Variants in ATXN7L1 observed in about 807,000 individuals in gnomAD.
ATXN7L1 encodes ataxin 7 like 1, also known as ataxin-7-like protein 1.
A neutral mutation model predicts 70.8 loss-of-function variants in ATXN7L1; 15 were observed. That is an observed-to-expected ratio of 0.21 (90% CI 0.14 to 0.33). The LOEUF (loss-of-function observed/expected upper bound fraction) is 0.33. Among genes scored for constraint, ATXN7L1 ranks in the 10% least tolerant of loss-of-function variants. ATXN7L1 has a pLI of 1.00. For missense variants in ATXN7L1, 975 were observed against 1,097.1 expected, an observed-to-expected ratio of 0.89 and a Z score of 1.57; for synonymous variants, 440 against 445.1, an observed-to-expected ratio of 0.99 and a Z score of 0.14.
At position 105,638,378 on chromosome 7, in the gene ATXN7L1, T is replaced by C; in HGVS notation, c.1177A>G (p.Arg393Gly). The C allele has an allele frequency of 6.4e-7, 1 of 1,552,030 alleles. No individual in the cohort carries two copies. ...EPKVASPAKSRPPNSVLPRPS... is the reference protein window; with the variant it reads ...EPKVASPAKSGPPNSVLPRPS... ...CTAGGAAGTACAGAGTTGGGTGGTC[T>C]GGATTTTGCAGGGGATGCAACTTTT... The change falls in exon 7 of 12, where the codon AGA (arginine) becomes GGA (glycine). Residue 393 changes from arginine (R) to glycine (G), a missense_variant. Physicochemically the swap from Arg to Gly is moderately radical, Grantham distance 125. Around this residue, in one of 5 missense-constraint regions of ATXN7L1, gnomAD observed 635 missense variants for 699.4 expected, o/e 0.91. Coordinates refer to ENST00000419735, the MANE Select transcript of ATXN7L1 (RefSeq NM_020725.2).
intron 3 of ATXN7L1, among the ~76,000 whole-genome samples, chr7:105,702,312 G>C (rs1792554894): frequency 6.6e-6 from 1 of 152,164 alleles, no homozygotes; most frequent in South Asian, 2.1e-4. Flanking sequence ...GTACAGACGG[G>C]ATCCAAACCT....
At chr7:105,642,783 T>C in intron 5 of ATXN7L1, 55 bp downstream of exon 5, 2 of 1,491,522 alleles carry the variant, frequency 1.3e-6, no homozygotes, top group East Asian at 4.9e-5. Flanking sequence ...TCGTTATGGC[T>C]GCGACTCCCT....
intron 3 of ATXN7L1, among the ~76,000 whole-genome samples, chr7:105,669,105 G>A (rs966276204): frequency 6.6e-6 from 1 of 152,000 alleles, no homozygotes; most frequent in Non-Finnish European, 1.5e-5. Flanking sequence ...TATTTTTTGA[G>A]ACAGTCTCGC....
intron 3 of ATXN7L1, among the ~76,000 whole-genome samples, chr7:105,695,179 C>T (rs1179157056): frequency 1.3e-5 from 2 of 151,824 alleles, no homozygotes; most frequent in African/African-American, 4.8e-5. Context: ...CCCAGCTACT[C>T]GGGAGGCTGA....
At chr7:105,611,389 T>C (rs1793138808) in intron 10 of ATXN7L1, among the ~76,000 whole-genome samples, 1 of 152,272 alleles carries the variant, frequency 6.6e-6, no homozygotes, top group Non-Finnish European at 1.5e-5. Flanking sequence ...TATTTATTTT[T>C]GAGACACAGT....
intron 3 of ATXN7L1, among the ~76,000 whole-genome samples, chr7:105,773,573 A>C (rs745477900): frequency 6.6e-6 from 1 of 152,144 alleles, no homozygotes; most frequent in Admixed American, 6.5e-5. Flanking sequence ...CTTCTGAAAA[A>C]GGAGTGGGAA....
At chr7:105,661,471 T>C (rs1801603637) in intron 4 of ATXN7L1, among the ~76,000 whole-genome samples, 1 of 152,164 alleles carries the variant, frequency 6.6e-6, no homozygotes, top group Non-Finnish European at 1.5e-5. Context: ...GAATTTTTGA[T>C]AGGACTGTGA....
chr7:105,761,594 A>G lies in ATXN7L1; in HGVS notation c.355+27010T>C, dbSNP rs573881380. ...CCTAAATTAAACACTGGTTGCTTAA[A>G]TGCGTCTTCATGATCTTGTTCTATC... On this transcript the variant is annotated intron_variant, in intron 3 of 11. Coordinates refer to ENST00000419735, the MANE Select transcript of ATXN7L1 (RefSeq NM_020725.2). The G allele has an allele frequency of 5.4e-6, 6 of 1,120,018 alleles. No homozygotes were observed. The South Asian group carries it at 9.3e-5, about 17-fold the overall frequency. The allele number at this position is 1,120,018 out of a possible 1,614,324, so 69.4% of individuals were successfully genotyped here.
At chr7:105,827,788 T>C (rs1811084670) in intron 2 of ATXN7L1, among the ~76,000 whole-genome samples, 1 of 152,198 alleles carries the variant, frequency 6.6e-6, no homozygotes, top group Admixed American at 6.5e-5. Context: ...TTAGTGGTTT[T>C]CCCAAATTGA....
chr7:105,842,326 T>C (rs1431772155), intron 2 of ATXN7L1, among the ~76,000 whole-genome samples: 2 of 152,124 alleles, frequency 1.3e-5, no homozygotes, highest in Non-Finnish European at 2.9e-5. Context: ...CTATCTAATA[T>C]GAGAATATTT....
At chr7:105,731,768 G>GAAAAGAGAAAAGAAAAGAAAAGAAAAGAA (rs1563046257) in intron 3 of ATXN7L1, among the ~76,000 whole-genome samples, 1 of 147,796 alleles carries the variant, frequency 6.8e-6, no homozygotes, top group African/African-American at 2.5e-5. Flanking sequence ...GAAAAGAAAA[G>GAAAAGAGAAAAGAAAAGAAAAGAAAAGAA]AAAAGAAAAG....
intron 7 of ATXN7L1, among the ~76,000 whole-genome samples, chr7:105,628,767 G>A (rs138885341): frequency 0.038 from 5,707 of 150,982 alleles, 289 homozygotes; most frequent in East Asian, 0.25. Flanking sequence ...TACTCCAGCC[G>A]GGGCCACAGA....
intron 2 of ATXN7L1, among the ~76,000 whole-genome samples, chr7:105,859,646 A>T (rs75525150): frequency 0.033 from 5,027 of 152,220 alleles, 285 homozygotes; most frequent in African/African-American, 0.11. Flanking sequence ...ACCAATGGGA[A>T]TATCATAGAG....
intron 3 of ATXN7L1, among the ~76,000 whole-genome samples, chr7:105,738,017 G>A (rs518491): frequency 0.71 from 108,794 of 152,204 alleles, 40,896 homozygotes; most frequent in East Asian, 1. Flanking sequence ...CAGCAACATG[G>A]AGCAGACACG....
intron 3 of ATXN7L1, among the ~76,000 whole-genome samples, chr7:105,692,914 G>C (rs895809445): frequency 6.6e-6 from 1 of 151,562 alleles, no homozygotes; most frequent in South Asian, 2.1e-4. Flanking sequence ...TGTAGACACG[G>C]AGTCTTGCCA....
At chr7:105,793,316 T>C (rs768847823) in intron 2 of ATXN7L1, among the ~76,000 whole-genome samples, 36 of 152,242 alleles carry the variant, frequency 2.4e-4, no homozygotes, top group Non-Finnish European at 4.8e-4. Flanking sequence ...TAACAGTCTC[T>C]GCTTCATGGG....
chr7:105,752,040 T>C (rs1799279286), intron 3 of ATXN7L1, among the ~76,000 whole-genome samples: 1 of 152,260 alleles, frequency 6.6e-6, no homozygotes, highest in African/African-American at 2.4e-5. Context: ...ATTTCAGGTA[T>C]TGACCTTTTG....
intron 2 of ATXN7L1, among the ~76,000 whole-genome samples, chr7:105,856,448 T>C (rs543549277): frequency 1.3e-5 from 2 of 152,078 alleles, no homozygotes; most frequent in South Asian, 2.1e-4. Flanking sequence ...TAGCGGGGCA[T>C]GGTGGCAGGA....
At chr7:105,685,072 A>C (rs1207108005) in intron 3 of ATXN7L1, among the ~76,000 whole-genome samples, 2 of 149,638 alleles carry the variant, frequency 1.3e-5, no homozygotes, top group African/African-American at 2.4e-5. Context: ...AATAATAATA[A>C]TAATAATAAT....
Sources: allele counts gnomAD v4.1 joint callset (sites outside exome capture counted in the v4.1 genomes callset), GRCh38; gene constraint gnomAD v4.1.1; regional missense constraint gnomAD v4.1.1; transcripts MANE v1.5; gene names NCBI Gene and HGNC (gene_info 2026-07-23, HGNC 2026-07-21).